The following ECE1 variants were observed in gnomAD, a reference collection of about 807,000 sequenced individuals.
ECE1 encodes endothelin converting enzyme 1.
ECE1 carries 35 observed loss-of-function variants against 98.6 expected under a neutral mutation model. That is an observed-to-expected ratio of 0.35 (90% CI 0.27 to 0.47). ECE1 has a LOEUF of 0.47. ECE1 is among the 20% of genes least tolerant of loss of function. ECE1 has a pLI of 1.00. For synonymous variants in ECE1, 394 were observed against 407.1 expected (o/e 0.97, Z 0.39); for missense variants, 814 against 1,025.3 (o/e 0.79, Z 2.81).
intron 17 of ECE1, among the ~76,000 whole-genome samples, chr1:21,224,823 G>A (rs550954711): frequency 1.6e-4 from 25 of 152,276 alleles, no homozygotes; most frequent in African/African-American, 2.4e-4. Context: ...GAGGCTCAAG[G>A]AGGTTCTGTG....
At chr1:21,343,677 G>A (rs1404327484) in intron 1 of ECE1, among the ~76,000 whole-genome samples, 3 of 152,208 alleles carry the variant, frequency 2.0e-5, no homozygotes, top group Admixed American at 2.0e-4. Flanking sequence ...AGTCCCTGTG[G>A]GGAAGTGGAG....
In ECE1 at chr1:21,340,145, T is replaced by C. The variant is rs1164900157; in HGVS notation, c.3+5231A>G. 1.3e-5 allele frequency among the ~76,000 whole-genome samples: 2 copies of C among 152,228 alleles called. No individual in the cohort carries two copies. The highest frequency in any genetic ancestry group is 2.4e-5 in the African/African-American group (1 of 41,464). ...ATGACTCTGGAGCTGCATCCCCAGG[T>C]TGGCACATAGCATTTTCTACCTTAT... On this transcript the variant is annotated intron_variant, in intron 1 of 18. Transcript: ENST00000415912. This position sits in a 1 kb window ranked among gnomAD's most constrained non-coding sequence, Gnocchi z 4.6.
intron 1 of ECE1, among the ~76,000 whole-genome samples, chr1:21,308,590 A>G (rs556346424): frequency 6.6e-6 from 1 of 152,250 alleles, no homozygotes; most frequent in African/African-American, 2.4e-5. Flanking sequence ...AGGGCCCTGG[A>G]CATGGACCCA....
chr1:21,335,590 C>T (rs1305626887), intron 1 of ECE1, among the ~76,000 whole-genome samples: 2 of 152,190 alleles, frequency 1.3e-5, no homozygotes, highest in East Asian at 1.9e-4. Flanking sequence ...GGGGCTCTCA[C>T]GGCTGGGGGC....
At chr1:21,244,936 G>T in intron 10 of ECE1, 53 bp downstream of exon 10, 1 of 1,541,556 alleles carries the variant, frequency 6.5e-7, no homozygotes, top group South Asian at 1.1e-5. Flanking sequence ...TAGACACCTT[G>T]GCATAAAGTA....
intron 1 of ECE1, among the ~76,000 whole-genome samples, chr1:21,328,764 GAAAAAA>G (rs35883969): frequency 2.0e-5 from 1 of 50,226 alleles, no homozygotes; most frequent in African/African-American, 7.6e-5. Context: ...CCTCCATCTC[GAAAAAA>G]AAAAAAAAAA....
rs916693137 is a variant in ECE1, at chr1:21,324,138, A to T, written c.3+21238T>A. Among the ~76,000 whole-genome samples, 5 of 152,012 alleles carry T rather than the reference A, an allele frequency of 3.3e-5. No individual in the cohort carries two copies. In the East Asian group the frequency reaches 9.6e-4, roughly 29 times the overall value. On this transcript the variant is annotated intron_variant, in intron 1 of 18. Coordinates refer to the ECE1 transcript ENST00000415912. ...CACCCGGCCTGTTTTGTTTTTAAAG[A>T]GACAAGGTCTCACTCTGTTGCCCAA...
intron 13 of ECE1, among the ~76,000 whole-genome samples, chr1:21,234,050 C>T (rs1405570140): frequency 3.9e-5 from 6 of 152,154 alleles, no homozygotes; most frequent in African/African-American, 9.6e-5. Flanking sequence ...TGCAATGGCA[C>T]GATCTTGGCT....
rs532081957 is a variant in ECE1, at chr1:21,326,517, G to C, written c.3+18859C>G. Among the ~76,000 whole-genome samples, 24 of 152,056 alleles carry C rather than the reference G, an allele frequency of 1.6e-4. 1 individual carries two copies. The East Asian group carries it at 4.6e-3, about 29-fold the overall frequency. ...GGAAGCAGGTCCTAGAACCTAGTGAGAAAAAAGGGGGGCCTGAACCCCAAA... is the reference window on the plus strand; with the variant it reads ...GGAAGCAGGTCCTAGAACCTAGTGACAAAAAAGGGGGGCCTGAACCCCAAA... On this transcript the variant is annotated intron_variant, in intron 1 of 18. Coordinates refer to the ECE1 transcript ENST00000415912.
chr1:21,331,296 C>T (rs1207752788), intron 1 of ECE1, among the ~76,000 whole-genome samples: 1 of 152,066 alleles, frequency 6.6e-6, no homozygotes. Flanking sequence ...CCCAGCTACT[C>T]AGGAGGCTGA....
In ECE1 at chr1:21,247,894, G is replaced by C. The variant is rs28367995; in HGVS notation, c.1021-531C>G. On this transcript the variant is annotated intron_variant, in intron 8 of 18. Transcript: ENST00000374893. The stretch of plus-strand genomic sequence containing the variant: ...GCCTCAGTATCTTGTCTGAGAAGTG[G>C]GGATCACCATAATAACAGAACCCAC... 8.2e-3 allele frequency among the ~76,000 whole-genome samples: 1,251 copies of C among 152,240 alleles called. 16 individuals carry two copies. The highest frequency in any genetic ancestry group is 0.028 in the African/African-American group (1,151 of 41,528).
intron 1 of ECE1, among the ~76,000 whole-genome samples, chr1:21,332,367 T>A (rs1639215212): frequency 6.6e-6 from 1 of 151,898 alleles, no homozygotes; most frequent in Non-Finnish European, 1.5e-5. Flanking sequence ...TATTAGGCAC[T>A]TAGTGTACTG....
chr1:21,219,948 T>G lies in ECE1; in HGVS notation c.*7A>C, dbSNP rs765890802. On this transcript the variant is annotated 3_prime_UTR_variant, in exon 19 of 19. Transcript: ENST00000374893. The surrounding 1 kb of genome is among the most constrained non-coding windows in gnomAD (Gnocchi z 4.5). The stretch of plus-strand genomic sequence containing the variant: ...CCTCCTCCGTCTTGGCTCTCTCCGC[T>G]TCGTCCTTACCAGACTTCGCACTTG... 1.1e-4 allele frequency: 174 copies of G among 1,614,082 alleles called. No individual in the cohort carries two copies. The highest frequency in any genetic ancestry group is 1.6e-4 in the Middle Eastern group (1 of 6,062).
At position 21,243,098 on chromosome 1, in the gene ECE1, A is replaced by G. The variant is rs140522661; in HGVS notation, c.1278+1891T>C. Among the ~76,000 whole-genome samples the G allele has an allele frequency of 5.6e-3, 850 of 152,334 alleles. 6 individuals carry two copies. The highest frequency in any genetic ancestry group is 0.02 in the African/African-American group (818 of 41,582). On this transcript the variant is annotated intron_variant, in intron 10 of 18. Coordinates refer to ENST00000374893, the MANE Select transcript of ECE1 (RefSeq NM_001397.3). Reference sequence around the variant, plus strand: ...GCAGAGGCTGAGTGGTACAGAGCTCAGGGCTATGGAATCAGATAGGCTGGA... The same window carrying G: ...GCAGAGGCTGAGTGGTACAGAGCTCGGGGCTATGGAATCAGATAGGCTGGA...
At chr1:21,305,170 G>A (rs10916959) in intron 1 of ECE1, among the ~76,000 whole-genome samples, 21,665 of 152,192 alleles carry the variant, frequency 0.14, 1,934 homozygotes, top group South Asian at 0.26. Flanking sequence ...GCCACACATA[G>A]GCTCGACAGC....
Position 21,227,470 on chromosome 1 carries a change from AC to A in ECE1, c.1782-245del, listed in dbSNP as rs574490067. Among the ~76,000 whole-genome samples, 351 of 152,328 alleles carry A rather than the reference AC, an allele frequency of 2.3e-3. 1 individual carries two copies. Among genetic ancestry groups the A allele is most frequent in the Middle Eastern group, 3.4e-3 (1 of 294 alleles). On this transcript the variant is annotated intron_variant, in intron 15 of 18. Transcript: ENST00000374893. ...CACCATGCGCTGTGCTAGATGCTCT[AC>A]AGACCTAACTGTCCTCTTCAGTCAT...
intron 1 of ECE1, among the ~76,000 whole-genome samples, chr1:21,318,277 G>GCGC (rs1638876398): frequency 6.6e-6 from 1 of 152,214 alleles, no homozygotes; most frequent in South Asian, 2.1e-4. Flanking sequence ...TGCAGGAACT[G>GCGC]ATCAGCGTTC....
upstream of ECE1, among the ~76,000 whole-genome samples, chr1:21,291,368 T>C (rs904931490): frequency 6.6e-6 from 1 of 152,218 alleles, no homozygotes; most frequent in African/African-American, 2.4e-5. Flanking sequence ...CATTCCAAAT[T>C]TGATTCTCAC....
rs2098222310 is a variant in ECE1, at chr1:21,258,185, G to T, written c.762+508C>A. Reference sequence around the variant, plus strand: ...GTAGCTCTGAGAGGTTGAGGCACTTGCCCAAGGTCACACAGTGACTGAATG... The same window carrying T: ...GTAGCTCTGAGAGGTTGAGGCACTTTCCCAAGGTCACACAGTGACTGAATG... On this transcript the variant is annotated intron_variant, in intron 6 of 18. Transcript: ENST00000374893. This position sits in a 1 kb window ranked among gnomAD's most constrained non-coding sequence, Gnocchi z 4.2. 6.6e-6 allele frequency among the ~76,000 whole-genome samples: 1 copy of T among 152,176 alleles called. No individual in the cohort carries two copies. Among genetic ancestry groups the T allele is most frequent in the African/African-American group, 2.4e-5 (1 of 41,422 alleles).
Sources: gnomAD v4.1 joint callset for allele counts (sites outside exome capture counted in the v4.1 genomes callset) on GRCh38, gnomAD v4.1.1 for gene constraint, Gnocchi (gnomAD v3.1) non-coding constraint, MANE v1.5 for transcripts, NCBI Gene and HGNC (gene_info 2026-07-23, HGNC 2026-07-21) for gene names.